Variants in RBM19 observed in about 807,000 individuals in gnomAD.
The protein encoded by RBM19 is probable RNA-binding protein 19.
RBM19 carries 94 observed loss-of-function variants against 116.8 expected under a neutral mutation model. The ratio of observed to expected loss-of-function variants is 0.80; its 90% CI spans 0.68 to 0.95. The LOEUF (loss-of-function observed/expected upper bound fraction) is 0.95. RBM19 is among the 40% of genes least tolerant of loss of function. The pLI is 0.00. For synonymous variants in RBM19, 475 were observed against 494.1 expected, an observed-to-expected ratio of 0.96 and a Z score of 0.51; for missense variants, 1,161 against 1,220.7, an observed-to-expected ratio of 0.95 and a Z score of 0.73.
In RBM19 at chr12:113,900,295, T is replaced by C. The variant is rs574373421; in HGVS notation, c.2558+14674A>G. On this transcript the variant is annotated intron_variant, in intron 21 of 23. Transcript: ENST00000261741. ...TTGCTCGACCAGTTAGTCTGGCAGA[T>C]GGAAACAGCCTCATGGCAGATAAAT... Among the ~76,000 whole-genome samples the C allele has an allele frequency of 3.9e-3, 594 of 152,302 alleles. 3 individuals are homozygous for C. Among genetic ancestry groups the C allele is most frequent in the Non-Finnish European group, 6.2e-3 (420 of 68,026 alleles).
At chr12:113,901,756 C>A (rs1053493040) in intron 21 of RBM19, among the ~76,000 whole-genome samples, 2 of 152,066 alleles carry the variant, frequency 1.3e-5, no homozygotes, top group Non-Finnish European at 2.9e-5. Flanking sequence ...CTCAGGTGAT[C>A]CACCTGCCTC....
chr12:113,933,584 G>C (rs538670656), intron 16 of RBM19, among the ~76,000 whole-genome samples: 2 of 152,346 alleles, frequency 1.3e-5, no homozygotes, highest in East Asian at 3.9e-4. Context: ...TCAGGCCCTG[G>C]AAAGCAGCCC....
At chr12:113,916,822 C>G (rs945804606) in intron 20 of RBM19, among the ~76,000 whole-genome samples, 8 of 152,362 alleles carry the variant, frequency 5.3e-5, no homozygotes, top group African/African-American at 1.9e-4. Flanking sequence ...GACATCCTGA[C>G]TGTAACCTCA....
intron 20 of RBM19, among the ~76,000 whole-genome samples, chr12:113,917,957 G>A (rs891588111): frequency 4.8e-4 from 73 of 152,130 alleles, no homozygotes; most frequent in African/African-American, 1.5e-3. Flanking sequence ...GGAGGCCATC[G>A]TAGGCACTGC....
chr12:113,899,869 G>T (rs149555428), intron 21 of RBM19, among the ~76,000 whole-genome samples: 1 of 152,066 alleles, frequency 6.6e-6, no homozygotes, highest in Non-Finnish European at 1.5e-5. Context: ...ATGAGCCAAC[G>T]GCGGCCCTCC....
At chr12:113,857,708 G>T (rs1190363629) in intron 22 of RBM19, among the ~76,000 whole-genome samples, 1 of 152,242 alleles carries the variant, frequency 6.6e-6, no homozygotes, top group Non-Finnish European at 1.5e-5. Flanking sequence ...GGCTGGCGAG[G>T]CTCTCCGAGG....
chr12:113,953,380 C>A (rs978760040), intron 7 of RBM19, among the ~76,000 whole-genome samples: 1 of 152,062 alleles, frequency 6.6e-6, no homozygotes, highest in South Asian at 2.1e-4. Context: ...CCCAGCTACC[C>A]GAGAGGCTGA....
In RBM19 at chr12:113,918,425, T is replaced by C; in HGVS notation, c.2408A>G (p.Lys803Arg). 6.2e-7 allele frequency: 1 copy of C among 1,614,194 alleles called. No homozygotes were observed. The highest frequency in any genetic ancestry group is 8.5e-7 in the Non-Finnish European group (1 of 1,180,016). The change falls in exon 20 of 24, where the codon AAG becomes AGG. Residue 803 changes from lysine to arginine, a missense_variant. By Grantham distance (26) the Lys-to-Arg change is conservative. Transcript: ENST00000261741. The stretch of plus-strand genomic sequence containing the variant: ...TCGTTCCGAGATCCTCACTTCCAGC[T>C]TGTGGCCGTCCACGACGTGACCCTA... ...QLQGHVVDGHKLEVRISERAT... is the reference protein window; with the variant it reads ...QLQGHVVDGHRLEVRISERAT...
At chr12:113,819,758 C>T (rs907187472), downstream of RBM19, among the ~76,000 whole-genome samples, 3 of 152,148 alleles carry the variant, frequency 2.0e-5, no homozygotes, top group African/African-American at 7.2e-5. Flanking sequence ...AGGAATTTCT[C>T]GTAAGACGCT....
chr12:113,823,308 T>C lies in RBM19; in HGVS notation c.2799A>G (p.Lys933=). ...TAAHFHEPPK[K]KRSVVLDEIL... is the part of the protein sequence containing the mutation. ...TCTCGTCCAACACCACAGACCGCTTTTTCTTCGGGGGCTCTGTGGGAGCCC... is the reference window on the plus strand; with the variant it reads ...TCTCGTCCAACACCACAGACCGCTTCTTCTTCGGGGGCTCTGTGGGAGCCC... Residue 933 remains lysine (K), a synonymous_variant, in exon 24 of 24, where the codon AAA becomes AAG. Transcript: ENST00000261741. 1 of 1,613,082 alleles carries C rather than the reference T, an allele frequency of 6.2e-7. No homozygotes were observed. The highest frequency in any genetic ancestry group is 8.5e-7 in the Non-Finnish European group (1 of 1,180,000).
At chr12:113,936,110 A>G (rs1447700646) in intron 16 of RBM19, among the ~76,000 whole-genome samples, 1 of 152,086 alleles carries the variant, frequency 6.6e-6, no homozygotes, top group Non-Finnish European at 1.5e-5. Context: ...TAACTATGAA[A>G]TGTCCTTTAA....
At position 113,929,381 on chromosome 12, in the gene RBM19, G is replaced by A. The variant is rs182292798; in HGVS notation, c.2069-2152C>T. Among the ~76,000 whole-genome samples, 399 of 152,146 alleles carry A rather than the reference G, an allele frequency of 2.6e-3. 2 individuals are homozygous for A. Among genetic ancestry groups the A allele is most frequent in the Middle Eastern group, 0.01 (3 of 294 alleles). On this transcript the variant is annotated intron_variant, in intron 16 of 23. Transcript: ENST00000261741. ...GTTGAACACACTGCCTTCCTCCCTC[G>A]GATAAGCCCAGAATCGAGACTCAGA...
rs764370381 is a variant in RBM19, at chr12:113,962,338, T to A, written c.113A>T (p.Asp38Val). The A allele has an allele frequency of 6.2e-7, 1 of 1,614,214 alleles. No individual in the cohort carries two copies. Among genetic ancestry groups the A allele is most frequent in the Non-Finnish European group, 8.5e-7 (1 of 1,180,024 alleles). Residue 38 changes from aspartate (D) to valine (V), a missense_variant, in exon 2 of 24, where the codon GAT (aspartate) becomes GTT (valine). By Grantham distance (152) the Asp-to-Val change is radical (BLOSUM62 -3). Coordinates refer to ENST00000261741, the MANE Select transcript of RBM19 (RefSeq NM_016196.4). ...AAAACCAAACTTGCGGAACTTGCCA[T>A]CTTTGGTGAACTTCAGGCTGCAGTC... ...LTDCSLKFTK[D>V]GKFRKFGFIG... is the part of the protein sequence containing the mutation.
intron 14 of RBM19, 83 bp from the exon 15 acceptor site, chr12:113,940,243 C>T: frequency 7.2e-7 from 1 of 1,393,190 alleles, no homozygotes. Flanking sequence ...GTGGGGCTCT[C>T]CAGACAAGGC....
downstream of RBM19, chr12:113,818,110 C>T (rs1874171987): frequency 6.6e-6 from 1 of 151,286 alleles, no homozygotes; most frequent in Non-Finnish European, 1.5e-5. Context: ...TACCTGTAAT[C>T]CCAGCCTTGG....
intron 23 of RBM19, among the ~76,000 whole-genome samples, chr12:113,838,739 CT>C (rs1279657284): frequency 6.6e-6 from 1 of 152,146 alleles, no homozygotes. Flanking sequence ...TTAGCTTGAA[CT>C]ACAAATTGAA....
chr12:113,884,120 A>AAAAAAAAAAAC (rs538609061), intron 21 of RBM19, among the ~76,000 whole-genome samples: 2 of 145,766 alleles, frequency 1.4e-5, no homozygotes, highest in Non-Finnish European at 3.0e-5. Context: ...ACCAAAAAAA[A>AAAAAAAAAAAC]AAAAAAACAA....
At chr12:113,896,295 A>T (rs1339079748) in intron 21 of RBM19, among the ~76,000 whole-genome samples, 2 of 152,220 alleles carry the variant, frequency 1.3e-5, no homozygotes, top group African/African-American at 4.8e-5. Context: ...GCCCCAGAGC[A>T]GGGAAAACCA....
Position 113,836,230 on chromosome 12 carries a change from C to T in RBM19, c.2785+8438G>A, listed in dbSNP as rs548989484. Among the ~76,000 whole-genome samples the T allele has an allele frequency of 2.0e-5, 3 of 152,036 alleles. No individual in the cohort carries two copies. The East Asian group carries it at 5.8e-4, about 29-fold the overall frequency. On this transcript the variant is annotated intron_variant, in intron 23 of 23. Coordinates refer to ENST00000261741, the MANE Select transcript of RBM19 (RefSeq NM_016196.4). ...GGCCAGCAAGGAAGGGAGGGAGGTG[C>T]GGGGCAGTGGGCAGGGGCAGGAAGA...
Sources: gnomAD v4.1 joint callset for allele counts (sites outside exome capture counted in the v4.1 genomes callset) on GRCh38, gnomAD v4.1.1 for gene constraint, MANE v1.5 for transcripts, NCBI Gene and HGNC (gene_info 2026-07-23, HGNC 2026-07-21) for gene names.